Variants in MTF2 observed in about 807,000 individuals in gnomAD.
MTF2 encodes metal response element binding transcription factor 2, also known as metal-response element-binding transcription factor 2.
MTF2 carries 11 observed loss-of-function variants against 79.5 expected under a neutral mutation model. The ratio of observed to expected loss-of-function variants is 0.14; its 90% CI spans 0.09 to 0.23. The LOEUF is 0.23. Among genes scored for constraint, MTF2 ranks in the 10% least tolerant of loss-of-function variants. MTF2 has a pLI of 1.00. For missense variants in MTF2, 486 were observed against 711.2 expected (o/e 0.68, Z 3.60); for synonymous variants, 208 against 232.8 (o/e 0.89, Z 0.97).
chr1:93,134,026 G>A, intron 13 of MTF2, 46 bp downstream of exon 13: 2 of 1,551,574 alleles, frequency 1.3e-6, no homozygotes, highest in Non-Finnish European at 1.8e-6. Flanking sequence ...TGTCTTTTGA[G>A]TAGATATTAA....
intron 11 of MTF2, among the ~76,000 whole-genome samples, chr1:93,131,584 A>G (rs1383024503): frequency 1.3e-5 from 2 of 152,212 alleles, no homozygotes; most frequent in Non-Finnish European, 2.9e-5. Context: ...AGAGGGGAGA[A>G]AATGGAAAGG....
Position 93,135,379 on chromosome 1 carries a change from T to C in MTF2, c.1424+1184T>C, listed in dbSNP as rs367650353. On this transcript the variant is annotated intron_variant, in intron 14 of 14. Transcript: ENST00000370298. The stretch of plus-strand genomic sequence containing the variant: ...TATACTTCATTCTGTTTAAATTTTG[T>C]TCATAATTCGAAAACTGCTGTTATA... Among the ~76,000 whole-genome samples, 17 of 152,364 alleles carry C rather than the reference T, an allele frequency of 1.1e-4. 1 individual carries two copies. The South Asian group carries it at 3.1e-3, about 28-fold the overall frequency.
Position 93,137,991 on chromosome 1 carries a change from GTC to G in MTF2, c.*969_*970del, listed in dbSNP as rs936375332. 1.3e-5 allele frequency: 2 copies of G among 152,166 alleles called. No homozygotes were observed. Among genetic ancestry groups the G allele is most frequent in the African/African-American group, 2.4e-5 (1 of 41,436 alleles). The allele number at this position is 152,166 out of a possible 1,614,324, so 9.4% of individuals were successfully genotyped here. ...TTCATGGCACATTATGATTGTAAAT[GTC>G]TCTCATTTTTAACAGTAAGTCTATA... On this transcript the variant is annotated 3_prime_UTR_variant, in exon 15 of 15. Transcript: ENST00000370298.
chr1:93,121,451 A>G (rs1656473877), intron 9 of MTF2: 1 of 951,310 alleles, frequency 1.1e-6, no homozygotes, highest in East Asian at 1.2e-4. Context: ...TATCTTAGTC[A>G]TGCTTTTTTT....
intron 1 of MTF2, among the ~76,000 whole-genome samples, chr1:93,089,178 C>A (rs1475650635): frequency 6.6e-6 from 1 of 152,064 alleles, no homozygotes; most frequent in African/African-American, 2.4e-5. Context: ...GAGAATTTGC[C>A]TCTGCTTTTA....
chr1:93,132,946 T>C (rs1340774802), intron 11 of MTF2, among the ~76,000 whole-genome samples: 1 of 152,128 alleles, frequency 6.6e-6, no homozygotes, highest in African/African-American at 2.4e-5. Flanking sequence ...ATGGTAGCTA[T>C]TGCTGAGTAA....
At chr1:93,125,706 G>A (rs1006251618) in intron 9 of MTF2, among the ~76,000 whole-genome samples, 2 of 151,976 alleles carry the variant, frequency 1.3e-5, no homozygotes, top group African/African-American at 4.8e-5. Flanking sequence ...AGTTGGGGTG[G>A]GGAGGGGGGA....
chr1:93,133,070 A>G lies in MTF2; in HGVS notation c.1161-633A>G, dbSNP rs185732309. ...TGGTATTTGGCTTTATGTTTAAAAA[A>G]TGGTTTTCTAGGTCTTTCTGATTTT... On this transcript the variant is annotated intron_variant, in intron 11 of 14. Coordinates refer to ENST00000370298, the MANE Select transcript of MTF2 (RefSeq NM_007358.4). 8.9e-4 allele frequency among the ~76,000 whole-genome samples: 133 copies of G among 150,078 alleles called. 1 individual carries two copies. In the East Asian group the frequency reaches 0.012, roughly 14 times the overall value.
intron 6 of MTF2, among the ~76,000 whole-genome samples, chr1:93,115,895 C>T (rs1391863984): frequency 1.3e-5 from 2 of 152,122 alleles, no homozygotes; most frequent in Non-Finnish European, 2.9e-5. Context: ...AAAACATTTA[C>T]TGCAGGGGCC....
chr1:93,088,102 T>A (rs1571214985), intron 1 of MTF2, among the ~76,000 whole-genome samples: 1 of 152,154 alleles, frequency 6.6e-6, no homozygotes, highest in Non-Finnish European at 1.5e-5. Context: ...CAAGAGCCCC[T>A]CAGTTCTCTT....
At chr1:93,105,008 G>A (rs1655708153) in intron 1 of MTF2, among the ~76,000 whole-genome samples, 2 of 151,974 alleles carry the variant, frequency 1.3e-5, no homozygotes, top group Admixed American at 1.3e-4. Flanking sequence ...GCCGGGTGTA[G>A]TGGCGGGCGC....
intron 9 of MTF2, among the ~76,000 whole-genome samples, chr1:93,123,033 C>G (rs1187168666): frequency 6.6e-6 from 1 of 151,900 alleles, no homozygotes; most frequent in African/African-American, 2.4e-5. Context: ...TGAATTTTGT[C>G]ACTAATCCAA....
chr1:93,112,193 T>C (rs892199016), intron 3 of MTF2, among the ~76,000 whole-genome samples: 1 of 152,194 alleles, frequency 6.6e-6, no homozygotes, highest in Non-Finnish European at 1.5e-5. Flanking sequence ...TTAACTCTTC[T>C]TAGCACCCTG....
chr1:93,084,234 TA>T (rs769492949), intron 1 of MTF2, among the ~76,000 whole-genome samples: 3 of 152,064 alleles, frequency 2.0e-5, no homozygotes, highest in South Asian at 2.1e-4. Context: ...TACCATTTGT[TA>T]AAAAAAACTA....
chr1:93,105,368 C>G (rs893461062), intron 1 of MTF2, among the ~76,000 whole-genome samples: 2 of 152,084 alleles, frequency 1.3e-5, no homozygotes, highest in Non-Finnish European at 2.9e-5. Flanking sequence ...ACCCCCCATC[C>G]CCAAGATCCT....
intron 2 of MTF2, 48 bp downstream of exon 2, chr1:93,110,476 A>G (rs1445795432): frequency 1.2e-6 from 2 of 1,605,766 alleles, no homozygotes; most frequent in African/African-American, 1.3e-5. Flanking sequence ...TAAGCATTTA[A>G]TAATCTTAAA....
At chr1:93,120,136 T>A (rs1207299772) in intron 8 of MTF2, 1 of 152,350 alleles carries the variant, frequency 6.6e-6, no homozygotes, top group Non-Finnish European at 1.5e-5. Context: ...TACAAAAAAA[T>A]TTAGCCTAGC....
chr1:93,130,538 C>T (rs548452482), intron 11 of MTF2, among the ~76,000 whole-genome samples: 1 of 151,946 alleles, frequency 6.6e-6, no homozygotes, highest in Non-Finnish European at 1.5e-5. Flanking sequence ...GATCGTGCCA[C>T]TGCACTCCAG....
chr1:93,121,458 TTTTTAGGTAAAAA>T (rs1656474589), intron 9 of MTF2: 1 of 967,480 alleles, frequency 1.0e-6, no homozygotes, highest in Non-Finnish European at 1.2e-6. Flanking sequence ...GTCATGCTTT[TTTTTAGGTAAAAA>T]TTTTGCACAC....
Sources: gnomAD v4.1 joint callset for allele counts (sites outside exome capture counted in the v4.1 genomes callset) on GRCh38, gnomAD v4.1.1 for gene constraint, MANE v1.5 for transcripts, NCBI Gene and HGNC (gene_info 2026-07-23, HGNC 2026-07-21) for gene names.